The following AVL9 variants were observed in gnomAD, a reference collection of about 807,000 sequenced individuals.
The protein encoded by AVL9 is late secretory pathway protein AVL9 homolog.
Under a neutral mutation model 79.2 loss-of-function variants are expected in AVL9, and 49 were observed. That is an observed-to-expected ratio of 0.62 (90% CI 0.49 to 0.79). AVL9 has a LOEUF of 0.79. AVL9 is among the 30% of genes least tolerant of loss of function. AVL9 has a pLI of 0.00. For missense variants in AVL9, 682 were observed against 776.8 expected, an observed-to-expected ratio of 0.88 and a Z score of 1.45; for synonymous variants, 299 against 280.6, an observed-to-expected ratio of 1.07 and a Z score of -0.65.
At chr7:32,501,958 A>G (rs762608952) in intron 1 of AVL9, among the ~76,000 whole-genome samples, 14 of 152,206 alleles carry the variant, frequency 9.2e-5, no homozygotes, top group Non-Finnish European at 1.9e-4. Flanking sequence ...ATATGGATTA[A>G]GAACTCAGGT....
chr7:32,503,787 A>G (rs760408311), intron 1 of AVL9, among the ~76,000 whole-genome samples: 11 of 151,928 alleles, frequency 7.2e-5, no homozygotes, highest in East Asian at 3.9e-4. Flanking sequence ...GGTACAAGCA[A>G]TTCTCCTGCC....
Position 32,583,703 on chromosome 7 carries a change from A to G in AVL9, c.1832-89A>G, listed in dbSNP as rs972220799. On this transcript the variant is annotated intron_variant, in intron 15 of 15. Transcript: ENST00000318709. ...CAAAAAACATTTTTTTAAATTTTTA[A>G]TTAAAAATGTATTAATTATGTTGGT... The G allele has an allele frequency of 9.8e-6, 8 of 816,934 alleles. No homozygotes were observed. The East Asian group carries it at 1.9e-4, about 19-fold the overall frequency. 50.6% of individuals were successfully genotyped at this position (816,934 alleles called of 1,614,324 possible).
In AVL9 at chr7:32,575,864, A is replaced by G. The variant is rs146332434; in HGVS notation, c.1571-91A>G. The G allele has an allele frequency of 8.5e-5, 72 of 848,908 alleles. No homozygotes were observed. The East Asian group carries it at 1.8e-3, about 21-fold the overall frequency. 52.6% of individuals were successfully genotyped at this position (848,908 alleles called of 1,614,324 possible). A position where few individuals can be genotyped will look rare whatever the true frequency, so the allele number is the denominator to read the frequency against. Reference sequence around the variant, plus strand: ...CACAAATATGGGAGGGCAAGGGGATAAAGTCGTTCCTTTACCCTTTTTGGT... The same window carrying G: ...CACAAATATGGGAGGGCAAGGGGATGAAGTCGTTCCTTTACCCTTTTTGGT... On this transcript the variant is annotated intron_variant, in intron 12 of 15. Transcript: ENST00000318709.
chr7:32,575,390 C>T (rs1198410406), intron 12 of AVL9, among the ~76,000 whole-genome samples: 1 of 152,022 alleles, frequency 6.6e-6, no homozygotes, highest in African/African-American at 2.4e-5. Context: ...TGAGCCACTG[C>T]ACCTGGCCTT....
At chr7:32,558,875 A>G (rs957327740) in intron 9 of AVL9, 54 bp from the exon 10 acceptor site, 1 of 1,443,904 alleles carries the variant, frequency 6.9e-7, no homozygotes, top group Admixed American at 2.2e-5. Context: ...TATAGCTCTC[A>G]GGTTCTTCCA....
At chr7:32,524,623 C>T (rs1788323391) in intron 1 of AVL9, among the ~76,000 whole-genome samples, 2 of 126,032 alleles carry the variant, frequency 1.6e-5, no homozygotes, top group Admixed American at 1.8e-4. Flanking sequence ...TGCTATAAAA[C>T]TGAAGGCATG....
At chr7:32,528,336 C>A (rs1252474599) in intron 1 of AVL9, among the ~76,000 whole-genome samples, 1 of 152,226 alleles carries the variant, frequency 6.6e-6, no homozygotes, top group Admixed American at 6.5e-5. Context: ...TCCTCAGGAC[C>A]TCCTGAGGTT....
At chr7:32,570,268 T>A in intron 11 of AVL9, 114 bp downstream of exon 11, 2 of 1,338,330 alleles carry the variant, frequency 1.5e-6, no homozygotes, top group Non-Finnish European at 2.1e-6. Context: ...CTGCATACTG[T>A]ATGCCATGTA....
chr7:32,564,463 A>G (rs1386991275), intron 10 of AVL9, among the ~76,000 whole-genome samples: 1 of 152,230 alleles, frequency 6.6e-6, no homozygotes, highest in African/African-American at 2.4e-5. Context: ...CATTTTGAAA[A>G]TAATTTTAGA....
intron 1 of AVL9, among the ~76,000 whole-genome samples, chr7:32,542,424 C>T (rs1314366134): frequency 6.7e-6 from 1 of 150,148 alleles, no homozygotes; most frequent in Non-Finnish European, 1.5e-5. Flanking sequence ...AGCGTGGTGG[C>T]ACACGCCTGT....
intron 11 of AVL9, among the ~76,000 whole-genome samples, chr7:32,572,322 A>G (rs1032098807): frequency 4.0e-5 from 6 of 151,532 alleles, no homozygotes; most frequent in African/African-American, 1.5e-4. Flanking sequence ...AAGAAAAAGT[A>G]TATACATTTT....
chr7:32,565,569 A>AG (rs200972424), intron 10 of AVL9, among the ~76,000 whole-genome samples: 5 of 151,474 alleles, frequency 3.3e-5, no homozygotes, highest in Admixed American at 6.6e-5. Flanking sequence ...CAAAAAAAAA[A>AG]AAAGAAAGAA....
At chr7:32,565,460 G>A (rs528026366) in intron 10 of AVL9, among the ~76,000 whole-genome samples, 7 of 151,736 alleles carry the variant, frequency 4.6e-5, no homozygotes, top group African/African-American at 1.7e-4. Flanking sequence ...TTGGGAGGCT[G>A]AGGCAGGAGA....
At chr7:32,549,881 T>G (rs1357881961) in intron 4 of AVL9, among the ~76,000 whole-genome samples, 1 of 139,486 alleles carries the variant, frequency 7.2e-6, no homozygotes, top group Non-Finnish European at 1.5e-5. Flanking sequence ...GATCAGCCAC[T>G]GCACTCCAGC....
chr7:32,570,066 T>C lies in AVL9; in HGVS notation c.1262T>C (p.Leu421Pro), dbSNP rs1790757912. Residue 421 changes from leucine (L) to proline (P), a missense_variant, in exon 11 of 16, where the codon CTC (leucine) becomes CCC (proline). By Grantham distance (98) the Leu-to-Pro change is moderately conservative. Transcript: ENST00000318709. ...ATGGCATTGCAGCAGCATCATCTTC[T>C]CTCCGATGTCACCGTTCGGGGGTTT... Reference protein sequence around the residue: ...PYMALQQHHLLSDVTVRGFVA... With the variant: ...PYMALQQHHLPSDVTVRGFVA... 1.2e-6 allele frequency: 2 copies of C among 1,614,222 alleles called. No homozygotes were observed. Among genetic ancestry groups the C allele is most frequent in the African/African-American group, 2.7e-5 (2 of 75,062 alleles).
rs371633489 is a variant in AVL9 at position 32,566,788 on chromosome 7, CAGG to C, written c.1216-3229_1216-3227del. Among the ~76,000 whole-genome samples, 33 of 152,126 alleles carry C rather than the reference CAGG, an allele frequency of 2.2e-4. No homozygotes were observed. In the South Asian group the frequency reaches 6.6e-3, roughly 31 times the overall value. ...GTCTCAGCTACTCCGGAGGCTGAGG[CAGG>C]AGAGTGGCATGAACCCGGGAGGCGG... is the stretch of plus-strand genomic sequence containing the variant. On this transcript the variant is annotated intron_variant, in intron 10 of 15. Coordinates refer to ENST00000318709, the MANE Select transcript of AVL9 (RefSeq NM_015060.3).
chr7:32,542,566 G>GA (rs972379408), intron 1 of AVL9, among the ~76,000 whole-genome samples: 1 of 151,576 alleles, frequency 6.6e-6, no homozygotes, highest in Non-Finnish European at 1.5e-5. Flanking sequence ...AAAGAAAAAA[G>GA]AAAAAAAGAA....
intron 10 of AVL9, among the ~76,000 whole-genome samples, chr7:32,566,949 T>C (rs1456340261): frequency 1.3e-5 from 2 of 152,238 alleles, no homozygotes; most frequent in Non-Finnish European, 2.9e-5. Flanking sequence ...CAAGTATTGT[T>C]CTGTTTTGCT....
In AVL9 at chr7:32,573,396, G is replaced by T. The variant is rs367712322; in HGVS notation, c.1548G>T (p.Leu516=). 6.2e-5 allele frequency: 100 copies of T among 1,613,244 alleles called. No homozygotes were observed. The highest frequency in any genetic ancestry group is 8.2e-5 in the Non-Finnish European group (97 of 1,179,748). ...AGTTTGCGGTCTACATTCATGCCCT[G>T]CTGGCTGCCACACTGCAATTAGGTA... The part of the protein sequence containing the change: ...RAQFAVYIHA[L]LAATLQLDNE... The change falls in exon 12 of 16, where the codon CTG becomes CTT. Residue 516 remains leucine (L), a synonymous_variant. Coordinates refer to ENST00000318709, the MANE Select transcript of AVL9 (RefSeq NM_015060.3).
Sources: allele counts gnomAD v4.1 joint callset (sites outside exome capture counted in the v4.1 genomes callset), GRCh38; gene constraint gnomAD v4.1.1; transcripts MANE v1.5; gene names NCBI Gene and HGNC (gene_info 2026-07-23, HGNC 2026-07-21).